ZBTB47: variants seen among roughly 807,000 people sequenced by gnomAD.
ZBTB47 encodes zinc finger and BTB domain-containing protein 47.
In ZBTB47, 24 loss-of-function variants were observed where a neutral mutation model predicts 56.6. The ratio of observed to expected loss-of-function variants is 0.42; its 90% CI spans 0.31 to 0.60. The LOEUF is 0.60. Among genes scored for constraint, ZBTB47 ranks in the 20% least tolerant of loss-of-function variants. The pLI is 0.14. For synonymous variants in ZBTB47, 414 were observed against 418.9 expected, an observed-to-expected ratio of 0.99 and a Z score of 0.14; for missense variants, 829 against 1,032.6, an observed-to-expected ratio of 0.80 and a Z score of 2.70.
At chr3:42,662,948 G>T in intron 3 of ZBTB47, 64 bp from the exon 4 acceptor site, 1 of 1,232,670 alleles carries the variant, frequency 8.1e-7, no homozygotes. Context: ...GCAGGGTCTG[G>T]GCCCAACGTC....
Position 42,667,070 on chromosome 3 carries a change from C to T in ZBTB47, c.*2472C>T, listed in dbSNP as rs1357090791. On this transcript the variant is annotated 3_prime_UTR_variant, in exon 6 of 6. Transcript: ENST00000232974. ...TGGATAGGGGTTCCTGTTTTACTAG[C>T]TTTTACATCTTTTTATTTAAAACAA... Among the ~76,000 whole-genome samples the T allele has an allele frequency of 1.3e-5, 2 of 152,266 alleles. No individual in the cohort carries two copies. The highest frequency in any genetic ancestry group is 2.9e-5 in the Non-Finnish European group (2 of 68,050).
intron 5 of ZBTB47, 99 bp from the exon 6 acceptor site, chr3:42,664,138 G>A: frequency 6.6e-7 from 1 of 1,524,798 alleles, no homozygotes; most frequent in Non-Finnish European, 8.8e-7. Context: ...GAGCGCCGGG[G>A]CTGGGCCCCA....
At position 42,659,294 on chromosome 3, in the gene ZBTB47, AGAG is replaced by A. The variant is rs375978824; in HGVS notation, c.942_944del (p.Glu319del). 6.2e-4 allele frequency: 912 copies of A among 1,481,564 alleles called. 7 individuals carry two copies. In the African/African-American group the frequency reaches 8.8e-3, roughly 14 times the overall value. 91.8% of individuals were successfully genotyped at this position (1,481,564 alleles called of 1,614,324 possible). On this transcript the variant is annotated inframe_deletion, in exon 2 of 6. Transcript: ENST00000232974. ...AGGAAGAGGGTGGCAGTCAGGGAGA[AGAG>A]GAAGAAGAGGAGGAGGACGGGCACA...
Position 42,659,043 on chromosome 3 carries a change from G to A in ZBTB47, c.688G>A (p.Glu230Lys), listed in dbSNP as rs1710675425. 1 of 1,528,780 alleles carries A rather than the reference G, an allele frequency of 6.5e-7. No individual in the cohort carries two copies. The highest frequency in any genetic ancestry group is 8.7e-7 in the Non-Finnish European group (1 of 1,143,000). The allele number at this position is 1,528,780 out of a possible 1,614,324, so 94.7% of individuals were successfully genotyped here. A position where few individuals can be genotyped will look rare whatever the true frequency, so the allele number is the denominator to read the frequency against. The change falls in exon 2 of 6, where the codon GAG becomes AAG. Residue 230 changes from glutamate (E) to lysine (K), a missense_variant. Around this residue, in one of 6 missense-constraint regions of ZBTB47, gnomAD observed 359 missense variants for 359.8 expected, o/e 1.00. Coordinates refer to ENST00000232974, the MANE Select transcript of ZBTB47 (RefSeq NM_145166.4). ...GGGTTCTGGCACCTACAGCCGCAGGGAGCAATCCCAGATCATCGTGGAGGT... is the reference window on the plus strand; with the variant it reads ...GGGTTCTGGCACCTACAGCCGCAGGAAGCAATCCCAGATCATCGTGGAGGT... ...LGGSGTYSRREQSQIIVEVNL... is the reference protein window; with the variant it reads ...LGGSGTYSRRKQSQIIVEVNL...
At chr3:42,655,793 C>T (rs1710634705) in intron 1 of ZBTB47, among the ~76,000 whole-genome samples, 1 of 152,346 alleles carries the variant, frequency 6.6e-6, no homozygotes. Context: ...CCAATCAGGT[C>T]ATGAGGTTTA....
chr3:42,655,009 G>A (rs1710622421), intron 1 of ZBTB47, among the ~76,000 whole-genome samples: 1 of 152,080 alleles, frequency 6.6e-6, no homozygotes, highest in Non-Finnish European at 1.5e-5. Flanking sequence ...GGGGGAAGAG[G>A]GAGTCGGATT....
chr3:42,664,379 C>T lies in ZBTB47; in HGVS notation c.2025C>T (p.Leu675=). The T allele has an allele frequency of 6.2e-7, 1 of 1,605,390 alleles. No individual in the cohort carries two copies. The highest frequency in any genetic ancestry group is 8.5e-7 in the Non-Finnish European group (1 of 1,176,424). The change falls in exon 6 of 6, where the codon CTC becomes CTT. Residue 675 remains leucine (L), a synonymous_variant. Coordinates refer to ENST00000232974, the MANE Select transcript of ZBTB47 (RefSeq NM_145166.4). ...AGCGCTTCCGCTTCTCCAACATGCTCAAGGCCCACAAGGAGAAGTGCTTCC... is the reference window on the plus strand; with the variant it reads ...AGCGCTTCCGCTTCTCCAACATGCTTAAGGCCCACAAGGAGAAGTGCTTCC... ...CGQRFRFSNM[L]KAHKEKCFRV...
rs1375768333 is a variant in ZBTB47, at chr3:42,654,591, G to A, written c.-82+708G>A. ...GGGCCATGGTCGCGGGGCCCTGCGCGGGGGCGGCCCCCAGCGCGGCGCTTC... is the reference window on the plus strand; with the variant it reads ...GGGCCATGGTCGCGGGGCCCTGCGCAGGGGCGGCCCCCAGCGCGGCGCTTC... On this transcript the variant is annotated intron_variant, in intron 1 of 5. Coordinates refer to ENST00000232974, the MANE Select transcript of ZBTB47 (RefSeq NM_145166.4). The surrounding 1 kb of genome is among the most constrained non-coding windows in gnomAD (Gnocchi z 5.0). 2.5e-6 allele frequency: 2 copies of A among 806,190 alleles called. No individual in the cohort carries two copies. The highest frequency in any genetic ancestry group is 5.6e-5 in the South Asian group (1 of 17,882). 49.9% of individuals were successfully genotyped at this position (806,190 alleles called of 1,614,324 possible). A position where few individuals can be genotyped will look rare whatever the true frequency, so the allele number is the denominator to read the frequency against.
At position 42,663,997 on chromosome 3, in the gene ZBTB47, C is replaced by A. The variant is rs767350687; in HGVS notation, c.1882+56C>A. ...GCCGGGCCTGGGACCCCTTCTCAGC[C>A]CCGCTCAGGACACCTGGAATAATCT... On this transcript the variant is annotated intron_variant, in intron 5 of 5. Coordinates refer to ENST00000232974, the MANE Select transcript of ZBTB47 (RefSeq NM_145166.4). The surrounding 1 kb of genome is among the most constrained non-coding windows in gnomAD (Gnocchi z 5.1). 6.4e-7 allele frequency: 1 copy of A among 1,558,788 alleles called. No homozygotes were observed. Among genetic ancestry groups the A allele is most frequent in the Non-Finnish European group, 8.7e-7 (1 of 1,149,280 alleles).
rs1710671366 is a variant in ZBTB47, at chr3:42,658,854, G to A, written c.499G>A (p.Val167Ile). 1.3e-6 allele frequency: 2 copies of A among 1,530,632 alleles called. No homozygotes were observed. Among genetic ancestry groups the A allele is most frequent in the East Asian group, 2.4e-5 (1 of 40,842 alleles). 94.8% of individuals were successfully genotyped at this position (1,530,632 alleles called of 1,614,324 possible). The change falls in exon 2 of 6, where the codon GTT becomes ATT. Residue 167 changes from valine to isoleucine, a missense_variant. Around this residue, in one of 6 missense-constraint regions of ZBTB47, gnomAD observed 359 missense variants for 359.8 expected, o/e 1.00. Transcript: ENST00000232974. The stretch of plus-strand genomic sequence containing the variant: ...GGGCCCTGACCCTTACTCGGTGCGT[G>A]TTGAGGACGGGGCAGGGACTGCTGG... ...REGPDPYSVR[V>I]EDGAGTAGGT...
intron 1 of ZBTB47, 124 bp from the exon 2 acceptor site, chr3:42,658,151 T>G: frequency 9.2e-7 from 1 of 1,092,672 alleles, no homozygotes; most frequent in Non-Finnish European, 1.3e-6. Flanking sequence ...TCTGTTGCTG[T>G]AAAGTGGAGC....
rs373445786 is a variant in ZBTB47 at position 42,659,805 on chromosome 3, A to G, written c.1450A>G (p.Thr484Ala). 1.2e-5 allele frequency: 20 copies of G among 1,609,884 alleles called. No individual in the cohort carries two copies. Among genetic ancestry groups the G allele is most frequent in the South Asian group, 2.2e-5 (2 of 90,682 alleles). Residue 484 changes from threonine to alanine, a missense_variant, in exon 2 of 6, where the codon ACA (threonine) becomes GCA (alanine). Transcript: ENST00000232974. Reference sequence around the variant, plus strand: ...GAGCGAGCTGCTGCTGCACAGGCAGACAGACTGCGAGCGCAACATCCAGGT... The same window carrying G: ...GAGCGAGCTGCTGCTGCACAGGCAGGCAGACTGCGAGCGCAACATCCAGGT... ...LESELLLHRQ[T>A]DCERNIQCVT...
rs569661467 is a variant in ZBTB47, at chr3:42,659,561, G to A, written c.1206G>A (p.Lys402=). ...EPEEAGRRGG[K]RPKPPPGVAS... Reference sequence around the variant, plus strand: ...AAGAAGCTGGGCGGCGGGGTGGGAAGAGGCCAAAGCCACCCCCTGGAGTGG... The same window carrying A: ...AAGAAGCTGGGCGGCGGGGTGGGAAAAGGCCAAAGCCACCCCCTGGAGTGG... The change falls in exon 2 of 6, where the codon AAG becomes AAA. Residue 402 remains lysine, a synonymous_variant. Transcript: ENST00000232974. The A allele has an allele frequency of 6.3e-7, 1 of 1,586,716 alleles. No homozygotes were observed. The highest frequency in any genetic ancestry group is 1.4e-5 in the African/African-American group (1 of 73,948).
In ZBTB47 at chr3:42,659,094, G is replaced by A. The variant is rs1488189442; in HGVS notation, c.739G>A (p.Val247Met). 2.0e-6 allele frequency: 3 copies of A among 1,500,840 alleles called. No homozygotes were observed. The highest frequency in any genetic ancestry group is 1.4e-5 in the African/African-American group (1 of 72,190). The allele number at this position is 1,500,840 out of a possible 1,614,324, so 93.0% of individuals were successfully genotyped here. A position where few individuals can be genotyped will look rare whatever the true frequency, so the allele number is the denominator to read the frequency against. The change falls in exon 2 of 6, where the codon GTG becomes ATG. Residue 247 changes from valine to methionine, a missense_variant. Val to Met is a conservative substitution (Grantham distance 21). Around this residue, in one of 6 missense-constraint regions of ZBTB47, gnomAD observed 359 missense variants for 359.8 expected, o/e 1.00. Coordinates refer to ENST00000232974, the MANE Select transcript of ZBTB47 (RefSeq NM_145166.4). ...EVNLNNQTLH[V>M]STGPEGKPGA... ...GAACCTCAACAACCAGACACTGCAC[G>A]TGTCCACGGGGCCAGAGGGGAAGCC...
rs1423201282 is a variant in ZBTB47, at chr3:42,659,165, C to T, written c.810C>T (p.Asp270=). The T allele has an allele frequency of 2.3e-5, 35 of 1,517,166 alleles. No individual in the cohort carries two copies. The highest frequency in any genetic ancestry group is 2.8e-5 in the Non-Finnish European group (32 of 1,137,014). The allele number at this position is 1,517,166 out of a possible 1,614,324, so 94.0% of individuals were successfully genotyped here. The change falls in exon 2 of 6, where the codon GAC becomes GAT. Residue 270 remains aspartate (D), a synonymous_variant. Transcript: ENST00000232974. ...CCACCGTGGTTCTGGGCCGGGAGGA[C>T]GGGCTGCAGAGACACTCGGACGAGG... is the stretch of plus-strand genomic sequence containing the variant. ...SPATVVLGRE[D]GLQRHSDEEE... is the part of the protein sequence containing the mutation.
Position 42,663,081 on chromosome 3 carries a change from A to C in ZBTB47, c.1691A>C (p.Lys564Thr). The C allele has an allele frequency of 1.9e-6, 3 of 1,613,912 alleles. No homozygotes were observed. Among genetic ancestry groups the C allele is most frequent in the Non-Finnish European group, 2.5e-6 (3 of 1,179,796 alleles). Reference sequence around the variant, plus strand: ...TCCTTCAAGCGCAGCATGTCCCTCAAGGTGCACTCACTGCAGCACTCAGGG... The same window carrying C: ...TCCTTCAAGCGCAGCATGTCCCTCACGGTGCACTCACTGCAGCACTCAGGG... ...GKSFKRSMSLKVHSLQHSGEK... is the reference protein window; with the variant it reads ...GKSFKRSMSLTVHSLQHSGEK... Residue 564 changes from lysine (K) to threonine (T), a missense_variant, in exon 4 of 6, where the codon AAG becomes ACG. Transcript: ENST00000232974. The surrounding 1 kb of genome is among the most constrained non-coding windows in gnomAD (Gnocchi z 5.1).
chr3:42,663,002 C>T lies in ZBTB47; in HGVS notation c.1622-10C>T. ...CGTAAAACATGATGGCCCTGGTGCC[C>T]ACCTCGTAGCCCACACCAAGGACAT... On this transcript the variant is annotated splice_polypyrimidine_tract_variant and intron_variant, in intron 3 of 5. Transcript: ENST00000232974. The surrounding 1 kb of genome is among the most constrained non-coding windows in gnomAD (Gnocchi z 5.1). The T allele has an allele frequency of 6.2e-7, 1 of 1,606,604 alleles. No homozygotes were observed. The highest frequency in any genetic ancestry group is 8.5e-7 in the Non-Finnish European group (1 of 1,173,364).
At position 42,665,939 on chromosome 3, in the gene ZBTB47, T is replaced by C. The variant is rs964118907; in HGVS notation, c.*1341T>C. The C allele has an allele frequency of 6.5e-6, 1 of 152,672 alleles. No individual in the cohort carries two copies. Among genetic ancestry groups the C allele is most frequent in the Non-Finnish European group, 1.5e-5 (1 of 68,048 alleles). 9.5% of individuals were successfully genotyped at this position (152,672 alleles called of 1,614,324 possible). ...CCTAGTTAAGCTCTTTCCTATTGTGTTTATACAGTTTTGTTTGTTATACTC... is the reference window on the plus strand; with the variant it reads ...CCTAGTTAAGCTCTTTCCTATTGTGCTTATACAGTTTTGTTTGTTATACTC... On this transcript the variant is annotated 3_prime_UTR_variant, in exon 6 of 6. Coordinates refer to ENST00000232974, the MANE Select transcript of ZBTB47 (RefSeq NM_145166.4).
chr3:42,661,350 G>T lies in ZBTB47; in HGVS notation c.1474-135G>T. 6 of 935,410 alleles carry T rather than the reference G, an allele frequency of 6.4e-6. No homozygotes were observed. In the South Asian group the frequency reaches 1.0e-4, roughly 16 times the overall value. 57.9% of individuals were successfully genotyped at this position (935,410 alleles called of 1,614,324 possible). On this transcript the variant is annotated intron_variant, in intron 2 of 5. Coordinates refer to ENST00000232974, the MANE Select transcript of ZBTB47 (RefSeq NM_145166.4). The stretch of plus-strand genomic sequence containing the variant: ...CCCCAACCTTAGAAACATCAGAGCT[G>T]GCTGGCTGTTGGCATCAAGGGCTCT...
Sources: gnomAD v4.1 joint callset for allele counts (sites outside exome capture counted in the v4.1 genomes callset) on GRCh38, gnomAD v4.1.1 for gene constraint, gnomAD v4.1.1 regional missense constraint, Gnocchi (gnomAD v3.1) non-coding constraint, MANE v1.5 for transcripts, NCBI Gene and HGNC (gene_info 2026-07-23, HGNC 2026-07-21) for gene names.